Variants in MTMR9 observed in about 807,000 individuals in gnomAD.
MTMR9 encodes the protein myotubularin related protein 9, also known as myotubularin-related protein 9.
In MTMR9, 39 loss-of-function variants were observed where a neutral mutation model predicts 69.5. The ratio of observed to expected loss-of-function variants is 0.56; its 90% confidence interval spans 0.43 to 0.73. The LOEUF is 0.73. MTMR9 is among the 30% of genes least tolerant of loss of function. The pLI, the probability that MTMR9 is intolerant of heterozygous loss-of-function variation, is 0.00. For missense variants in MTMR9, 900 were observed against 671.2 expected (o/e 1.34, Z -3.77); for synonymous variants, 354 against 240.8 (o/e 1.47, Z -4.35).
At chr8:11,315,568 T>G (rs143432593) in intron 7 of MTMR9, among the ~76,000 whole-genome samples, 34 of 152,380 alleles carry the variant, frequency 2.2e-4, no homozygotes, top group African/African-American at 8.2e-4. Flanking sequence ...GAGATTACTT[T>G]TCAATATATT....
the MTMR9 span, among the ~76,000 whole-genome samples, chr8:11,336,548 A>G: frequency 1.3e-5 from 2 of 152,212 alleles, no homozygotes; most frequent in African/African-American, 4.8e-5. Flanking sequence ...GTTCTTTACA[A>G]TTTCCTGGGC....
intron 8 of MTMR9, 132 bp downstream of exon 8, chr8:11,317,025 T>C (rs988954766): frequency 1.1e-5 from 6 of 529,952 alleles, no homozygotes; most frequent in African/African-American, 3.9e-5. Flanking sequence ...GAGGCTACAG[T>C]TAATTATAAT....
In MTMR9 at chr8:11,322,132, G is replaced by A. The variant is rs943363249; in HGVS notation, c.1487-493G>A. ...AACAGGGAGAGAGGCATGTAAGCAC[G>A]TGGGCTACAGTTCAGGCTTTCAAAT... On this transcript the variant is annotated intron_variant, in intron 9 of 9. Transcript: ENST00000221086. Among the ~76,000 whole-genome samples, 50 of 152,172 alleles carry A rather than the reference G, an allele frequency of 3.3e-4. 1 individual carries two copies. The highest frequency in any genetic ancestry group is 4.1e-4 in the South Asian group (2 of 4,834).
chr8:11,289,538 A>G (rs948824249), intron 1 of MTMR9, among the ~76,000 whole-genome samples: 1 of 151,256 alleles, frequency 6.6e-6, no homozygotes, highest in Admixed American at 6.6e-5. Flanking sequence ...TCAGTTGATG[A>G]CTCATCATTT....
the MTMR9 span, among the ~76,000 whole-genome samples, chr8:11,335,496 C>G: frequency 6.6e-6 from 1 of 152,192 alleles, no homozygotes. Context: ...TGCTTCCCAT[C>G]TTGATCTAGA....
downstream of MTMR9, among the ~76,000 whole-genome samples, chr8:11,329,730 C>T (rs189778755): frequency 0.058 from 8,875 of 152,238 alleles, 930 homozygotes; most frequent in African/African-American, 0.2. Flanking sequence ...TCTGCCCGGC[C>T]GCCACCCCGT....
downstream of MTMR9, chr8:11,332,057 G>C: frequency 2.5e-6 from 4 of 1,611,968 alleles, no homozygotes; most frequent in Non-Finnish European, 3.4e-6. Flanking sequence ...GGGTTGTGCT[G>C]GGCAGCATTG....
chr8:11,304,822 A>G lies in MTMR9; in HGVS notation c.418-19A>G. The G allele has an allele frequency of 6.2e-7, 1 of 1,609,368 alleles. No individual in the cohort carries two copies. ...CATTGAGATAGTTGCTTAGCTTTGA[A>G]GTATTTTGTGTTTTTCAGACCAGTG... On this transcript the variant is annotated intron_variant, in intron 3 of 9. Transcript: ENST00000221086.
chr8:11,331,001 G>C (rs536162142), downstream of MTMR9: 1 of 1,489,872 alleles, frequency 6.7e-7, no homozygotes, highest in African/African-American at 1.4e-5. Flanking sequence ...CCTCAGGAGA[G>C]TTCCAGGGAA....
chr8:11,339,007 G>C, the MTMR9 span, among the ~76,000 whole-genome samples: 1 of 152,174 alleles, frequency 6.6e-6, no homozygotes, highest in Non-Finnish European at 1.5e-5. Context: ...TTAGAGTAGG[G>C]TCATATAGTG....
intron 5 of MTMR9, among the ~76,000 whole-genome samples, chr8:11,308,108 CTT>C (rs895440990): frequency 1.1e-4 from 17 of 152,196 alleles, no homozygotes; most frequent in Non-Finnish European, 5.9e-5. Context: ...TCCAAAATAA[CTT>C]TTCCCAGACC....
chr8:11,323,644 G>C lies in MTMR9; in HGVS notation c.*856G>C, dbSNP rs1416781652. ...TTTATTATAATCAAGCTACAAATAG[G>C]TTTTCTTAAACCAGAGATGCACTGC... On this transcript the variant is annotated 3_prime_UTR_variant, in exon 10 of 10. Transcript: ENST00000221086. The C allele has an allele frequency of 6.6e-6, 1 of 152,122 alleles. No individual in the cohort carries two copies. Among genetic ancestry groups the C allele is most frequent in the African/African-American group, 2.4e-5 (1 of 41,424 alleles). 9.4% of individuals were successfully genotyped at this position (152,122 alleles called of 1,614,324 possible).
rs749558020 is a variant in MTMR9, at chr8:11,306,388, A to G, written c.790A>G (p.Ile264Val). The change falls in exon 5 of 10, where the codon ATT (isoleucine) becomes GTT (valine). Residue 264 changes from isoleucine to valine, a missense_variant. Coordinates refer to ENST00000221086, the MANE Select transcript of MTMR9 (RefSeq NM_015458.4). ...QEAHYPQWRR[I>V]HKSIERYHIL... ...AGCTCATTATCCTCAGTGGAGGCGA[A>G]TTCATAAGTCCATTGAGAGGTAAAA... 9.9e-6 allele frequency: 16 copies of G among 1,613,998 alleles called. No individual in the cohort carries two copies. In the South Asian group the frequency reaches 1.2e-4, roughly 12 times the overall value.
chr8:11,331,539 C>G (rs1385172605), downstream of MTMR9: 4 of 1,613,626 alleles, frequency 2.5e-6, no homozygotes, highest in Non-Finnish European at 3.4e-6. Flanking sequence ...CTCCGCTGTC[C>G]TCACCCTCTG....
chr8:11,302,857 A>T (rs1240072166), intron 3 of MTMR9, among the ~76,000 whole-genome samples: 1 of 152,152 alleles, frequency 6.6e-6, no homozygotes, highest in African/African-American at 2.4e-5. Context: ...TTTTGAAGAG[A>T]TGCAGTTAAA....
downstream of MTMR9, chr8:11,330,992 C>A: frequency 6.8e-7 from 1 of 1,480,354 alleles, no homozygotes; most frequent in Non-Finnish European, 9.0e-7. Context: ...GTGCTACCAC[C>A]TCAGGAGAGT....
Position 11,300,021 on chromosome 8 carries a change from A to C in MTMR9, c.292-2A>C. 6.2e-7 allele frequency: 1 copy of C among 1,606,208 alleles called. No individual in the cohort carries two copies. The highest frequency in any genetic ancestry group is 8.5e-7 in the Non-Finnish European group (1 of 1,177,542). ...TTGTCTTTCTTTTCTTTTTGCCCCC[A>C]GGCATTGTCTACTCTGGACTCCATC... On this transcript the variant is annotated splice_acceptor_variant, in intron 2 of 9. Coordinates refer to ENST00000221086, the MANE Select transcript of MTMR9 (RefSeq NM_015458.4). LOFTEE classifies it high-confidence loss of function.
rs1800882262 is a variant in MTMR9, at chr8:11,325,345, C to CT, written c.*2557_*2558insT. The CT allele has an allele frequency of 6.6e-6, 1 of 152,176 alleles. No homozygotes were observed. Among genetic ancestry groups the CT allele is most frequent in the East Asian group, 1.9e-4 (1 of 5,198 alleles). 9.4% of individuals were successfully genotyped at this position (152,176 alleles called of 1,614,324 possible). A position where few individuals can be genotyped will look rare whatever the true frequency, so the allele number is the denominator to read the frequency against. The stretch of plus-strand genomic sequence containing the variant: ...ATGAGAAGAATAAATGACACGGATA[C>CT]ACTCCTGAGAAGACACTCGTTAAAC... On this transcript the variant is annotated 3_prime_UTR_variant, in exon 10 of 10. Coordinates refer to ENST00000221086, the MANE Select transcript of MTMR9 (RefSeq NM_015458.4).
At chr8:11,321,510 G>A (rs898526040) in intron 9 of MTMR9, 23 of 456,666 alleles carry the variant, frequency 5.0e-5, no homozygotes, top group Non-Finnish European at 8.8e-5. Context: ...GTGGAGCTTA[G>A]AGATAAGTGA....
Sources: allele counts gnomAD v4.1 joint callset (sites outside exome capture counted in the v4.1 genomes callset), GRCh38; gene constraint gnomAD v4.1.1; transcripts MANE v1.5; gene names NCBI Gene and HGNC (gene_info 2026-07-23, HGNC 2026-07-21).